Variants in RBFOX1 observed in about 807,000 individuals in gnomAD.
RBFOX1 encodes the protein RNA binding protein fox-1 homolog 1.
In RBFOX1, 8 loss-of-function variants were observed where a neutral mutation model predicts 57.7. That is an observed-to-expected ratio of 0.14 (90% CI 0.08 to 0.25). The LOEUF is 0.25. Ranked by LOEUF, RBFOX1 falls within the 10% of genes least tolerant of loss-of-function variation. The pLI is 1.00. For missense variants in RBFOX1, 611 were observed against 548.5 expected (o/e 1.11, Z -1.14); for synonymous variants, 326 against 222.4 (o/e 1.47, Z -4.15).
intron 5 of RBFOX1, among the ~76,000 whole-genome samples, chr16:7,529,524 T>A (rs1264425784): frequency 6.6e-6 from 1 of 152,230 alleles, no homozygotes; most frequent in Admixed American, 6.5e-5. Context: ...TATTTTGGAT[T>A]GTTAAACCAC....
chr16:7,332,919 G>C, intron 4 of RBFOX1: 1 of 1,598,164 alleles, frequency 6.3e-7, no homozygotes, highest in Non-Finnish European at 8.5e-7. Flanking sequence ...TTTGTAGTTC[G>C]GAAGAAGTTG....
intron 2 of RBFOX1, among the ~76,000 whole-genome samples, chr16:5,555,440 G>A (rs189545128): frequency 1.3e-5 from 2 of 151,774 alleles, no homozygotes; most frequent in East Asian, 2.0e-4. Flanking sequence ...TAGTACAGAC[G>A]CGGTTTCGCC....
At chr16:7,686,060 G>A (rs543468603) in intron 14 of RBFOX1, among the ~76,000 whole-genome samples, 25 of 151,960 alleles carry the variant, frequency 1.6e-4, no homozygotes, top group Admixed American at 4.6e-4. Flanking sequence ...GCTTCTTTGC[G>A]TGGTTGTGAG....
intron 4 of RBFOX1, among the ~76,000 whole-genome samples, chr16:7,217,241 A>G (rs1365159058): frequency 1.3e-5 from 2 of 149,806 alleles, no homozygotes; most frequent in African/African-American, 4.9e-5. Flanking sequence ...AGCTGGGACT[A>G]CAGGTGCGTT....
chr16:7,070,823 A>T (rs1178604037), intron 4 of RBFOX1, among the ~76,000 whole-genome samples: 5 of 152,174 alleles, frequency 3.3e-5, no homozygotes, highest in Non-Finnish European at 7.4e-5. Flanking sequence ...GGATTGGGAA[A>T]CTGGAACCTA....
At chr16:6,193,152 G>A (rs1251518037) in intron 1 of RBFOX1, among the ~76,000 whole-genome samples, 1 of 151,510 alleles carries the variant, frequency 6.6e-6, no homozygotes, top group Non-Finnish European at 1.5e-5. Flanking sequence ...GAGGCAATGT[G>A]TTCATCCTAT....
At chr16:5,454,217 G>T (rs2068512057) in intron 1 of RBFOX1, among the ~76,000 whole-genome samples, 1 of 152,146 alleles carries the variant, frequency 6.6e-6, no homozygotes, top group Admixed American at 6.5e-5. Context: ...GAGATCTCTG[G>T]CCGAAGTCCT....
At chr16:7,448,985 A>C (rs1412096025) in intron 4 of RBFOX1, among the ~76,000 whole-genome samples, 2 of 122,686 alleles carry the variant, frequency 1.6e-5, no homozygotes, top group East Asian at 5.1e-4. Context: ...GCTGGAGTGC[A>C]ATGGCGCGAT....
chr16:6,183,539 AG>A (rs2097083310), intron 1 of RBFOX1, among the ~76,000 whole-genome samples: 1 of 151,250 alleles, frequency 6.6e-6, no homozygotes, highest in African/African-American at 2.4e-5. Context: ...TAAGGAGAAT[AG>A]GATATGTTCG....
chr16:6,834,845 A>G (rs2092968632), intron 3 of RBFOX1, among the ~76,000 whole-genome samples: 3 of 150,664 alleles, frequency 2.0e-5, no homozygotes, highest in South Asian at 4.2e-4. Context: ...TCCATCTGGA[A>G]GTCAAGTTCA....
At chr16:7,445,769 G>A (rs1442806662) in intron 4 of RBFOX1, among the ~76,000 whole-genome samples, 1 of 152,152 alleles carries the variant, frequency 6.6e-6, no homozygotes. Context: ...GTTTGGAGAT[G>A]CCCAAAGACT....
At chr16:7,167,665 T>C (rs1028379901) in intron 4 of RBFOX1, among the ~76,000 whole-genome samples, 1 of 152,200 alleles carries the variant, frequency 6.6e-6, no homozygotes, top group Non-Finnish European at 1.5e-5. Context: ...AGGAAACTAA[T>C]TCACTAGAGG....
At chr16:6,413,319 CAAA>C (rs34475437) in intron 2 of RBFOX1, among the ~76,000 whole-genome samples, 2,364 of 114,324 alleles carry the variant, frequency 0.021, 38 homozygotes, top group Admixed American at 0.055. Context: ...AACTACATCT[CAAA>C]AAAAAAAAAA....
intron 3 of RBFOX1, among the ~76,000 whole-genome samples, chr16:6,808,385 A>C (rs757333390): frequency 2.6e-5 from 4 of 151,924 alleles, no homozygotes; most frequent in Admixed American, 6.6e-5. Flanking sequence ...TGCCTAAAGT[A>C]TTGCTTTCTT....
At chr16:6,896,816 T>A (rs1395456175) in intron 3 of RBFOX1, among the ~76,000 whole-genome samples, 1 of 151,832 alleles carries the variant, frequency 6.6e-6, no homozygotes, top group Admixed American at 6.6e-5. Context: ...CATAGATGAG[T>A]TTATAGGATA....
chr16:6,875,644 A>G (rs1030829499), intron 3 of RBFOX1, among the ~76,000 whole-genome samples: 2 of 152,218 alleles, frequency 1.3e-5, no homozygotes, highest in African/African-American at 4.8e-5. Context: ...GGATAAAAAT[A>G]ATTTTAACCT....
chr16:7,254,797 A>G (rs2094612504), intron 4 of RBFOX1, among the ~76,000 whole-genome samples: 2 of 152,172 alleles, frequency 1.3e-5, no homozygotes, highest in South Asian at 4.1e-4. Context: ...TTTATGTTGT[A>G]TTTCATACAA....
intron 4 of RBFOX1, among the ~76,000 whole-genome samples, chr16:7,159,692 C>T (rs1443328301): frequency 1.3e-5 from 2 of 152,100 alleles, no homozygotes; most frequent in Non-Finnish European, 2.9e-5. Flanking sequence ...TTTGGATCTG[C>T]CAAGTACAAA....
At chr16:6,360,454 A>T (rs1164608432) in intron 2 of RBFOX1, among the ~76,000 whole-genome samples, 1 of 152,192 alleles carries the variant, frequency 6.6e-6, no homozygotes, top group Non-Finnish European at 1.5e-5. Context: ...GGAAAAAAAA[A>T]TGTCCAAGTG....
Sources: gnomAD v4.1 joint callset for allele counts (sites outside exome capture counted in the v4.1 genomes callset) on GRCh38, gnomAD v4.1.1 for gene constraint, MANE v1.5 for transcripts, NCBI Gene and HGNC (gene_info 2026-07-23, HGNC 2026-07-21) for gene names.